The following HK1 variants were observed in gnomAD, a reference collection of about 807,000 sequenced individuals.
HK1 encodes the protein hexokinase 1, also known as hexokinase-1.
A neutral mutation model predicts 91.6 loss-of-function variants in HK1; 28 were observed. The observed-to-expected ratio is 0.31, with a 90% CI of 0.23 to 0.42. HK1 has a LOEUF of 0.42. Among genes scored for constraint, HK1 ranks in the 10% least tolerant of loss-of-function variants. The pLI is 1.00. For synonymous variants in HK1, 430 were observed against 468.1 expected, an observed-to-expected ratio of 0.92 and a Z score of 1.05; for missense variants, 770 against 1,219.8, an observed-to-expected ratio of 0.63 and a Z score of 5.49.
intron 17 of HK1, among the ~76,000 whole-genome samples, chr10:69,399,495 G>C (rs1840291698): frequency 6.6e-6 from 1 of 152,186 alleles, no homozygotes; most frequent in African/African-American, 2.4e-5. Context: ...CTGGGCAACA[G>C]AGTGAGACCC....
chr10:69,398,498 A>T, intron 16 of HK1, 97 bp from the exon 17 acceptor site: 1 of 832,942 alleles, frequency 1.2e-6, no homozygotes, highest in Non-Finnish European at 2.0e-6. Context: ...GTGGATGAGT[A>T]CAGTGATTGG....
chr10:69,362,591 G>C (rs76943589), intron 3 of HK1, among the ~76,000 whole-genome samples: 1 of 151,998 alleles, frequency 6.6e-6, no homozygotes, highest in African/African-American at 2.4e-5. Context: ...CTCCAGAAAC[G>C]GCCTTTCCTT....
chr10:69,281,951 G>T (rs985931247), intron 1 of HK1, among the ~76,000 whole-genome samples: 1 of 152,048 alleles, frequency 6.6e-6, no homozygotes, highest in African/African-American at 2.4e-5. Flanking sequence ...ATCTCTCCAC[G>T]CATTTTAAAA....
chr10:69,396,195 C>T (rs980265979), intron 16 of HK1, among the ~76,000 whole-genome samples: 6 of 151,268 alleles, frequency 4.0e-5, no homozygotes, highest in Non-Finnish European at 5.9e-5. Context: ...TGGCTTGAGC[C>T]CGGTGGCGGA....
At chr10:69,280,353 G>T (rs1844680736) in intron 1 of HK1, among the ~76,000 whole-genome samples, 1 of 152,264 alleles carries the variant, frequency 6.6e-6, no homozygotes, top group Non-Finnish European at 1.5e-5. Flanking sequence ...TCCTGACTTT[G>T]TGATTTGCCC....
At chr10:69,326,462 A>G (rs1029464191) in intron 1 of HK1, among the ~76,000 whole-genome samples, 2 of 152,164 alleles carry the variant, frequency 1.3e-5, no homozygotes, top group East Asian at 1.9e-4. Flanking sequence ...GCCCATCCAG[A>G]GGAGATAAAA....
At chr10:69,321,900 C>T (rs1847055694) in intron 1 of HK1, among the ~76,000 whole-genome samples, 1 of 152,128 alleles carries the variant, frequency 6.6e-6, no homozygotes, top group Non-Finnish European at 1.5e-5. Flanking sequence ...ATATTCCTTT[C>T]ACTCTTCTAG....
chr10:69,318,074 TCCCGC>T (rs1268694462), upstream of HK1: 6 of 985,248 alleles, frequency 6.1e-6, no homozygotes, highest in Non-Finnish European at 7.2e-6. Flanking sequence ...GTGGCCCAAG[TCCCGC>T]CCAGAGGGAG....
intron 12 of HK1, among the ~76,000 whole-genome samples, 178 bp from the exon 13 acceptor site, chr10:69,386,145 A>G (rs1209793824): frequency 6.6e-6 from 1 of 152,136 alleles, no homozygotes; most frequent in Non-Finnish European, 1.5e-5. Context: ...TCAAACCCCT[A>G]TGAGGATGGT....
At chr10:69,316,542 G>A (rs1457733602), upstream of HK1, among the ~76,000 whole-genome samples, 1 of 152,234 alleles carries the variant, frequency 6.6e-6, no homozygotes, top group African/African-American at 2.4e-5. Context: ...GAGTGGGGAG[G>A]AATGAGTCAC....
At chr10:69,382,423 G>A in intron 9 of HK1, 64 bp from the exon 10 acceptor site, 1 of 1,496,682 alleles carries the variant, frequency 6.7e-7, no homozygotes, top group Non-Finnish European at 9.3e-7. Context: ...AAGAAAGGGT[G>A]GCCGGAGGTC....
At chr10:69,339,180 G>A (rs1428260307) in intron 1 of HK1, among the ~76,000 whole-genome samples, 3 of 152,132 alleles carry the variant, frequency 2.0e-5, no homozygotes, top group East Asian at 1.9e-4. Context: ...CAGTGCCTCC[G>A]GGCCACTTAA....
rs187806791 is a variant in HK1 at position 69,388,268 on chromosome 10, C to T, written c.1936-929C>T. 1.2e-4 allele frequency among the ~76,000 whole-genome samples: 19 copies of T among 152,082 alleles called. No homozygotes were observed. The East Asian group carries it at 2.9e-3, about 23-fold the overall frequency. On this transcript the variant is annotated intron_variant, in intron 13 of 17. Transcript: ENST00000359426. ...CAGCCTGGGTAACGTAGTAAGACCC[C>T]GTCTCTATAAGAAATTAAAAAATAA...
chr10:69,309,844 T>C (rs141449667), intron 5 of HK1, among the ~76,000 whole-genome samples: 3,017 of 143,490 alleles, frequency 0.021, 108 homozygotes, highest in African/African-American at 0.074. Flanking sequence ...GTCAGGAGTT[T>C]GAGACTAGCC....
At chr10:69,355,046 G>A (rs932114219) in intron 2 of HK1, among the ~76,000 whole-genome samples, 1 of 130,700 alleles carries the variant, frequency 7.7e-6, no homozygotes, top group Admixed American at 8.7e-5. Context: ...TCCAGCCTGG[G>A]CAATGGAGGA....
chr10:69,365,565 A>C (rs182650865), intron 4 of HK1, among the ~76,000 whole-genome samples: 1 of 152,314 alleles, frequency 6.6e-6, no homozygotes, highest in Admixed American at 6.5e-5. Flanking sequence ...CAAACCACCC[A>C]TGAATAAACT....
intron 15 of HK1, among the ~76,000 whole-genome samples, chr10:69,392,655 T>A (rs1839954193): frequency 6.6e-6 from 1 of 152,148 alleles, no homozygotes; most frequent in Non-Finnish European, 1.5e-5. Context: ...CAGGTTGGTG[T>A]GAAGCAGAGG....
intron 2 of HK1, among the ~76,000 whole-genome samples, chr10:69,285,415 T>G (rs146381138): frequency 2.5e-3 from 387 of 152,012 alleles, no homozygotes; most frequent in African/African-American, 8.3e-3. Flanking sequence ...CAGAGAGAGA[T>G]TCCATCTCAA....
At position 69,275,388 on chromosome 10, in the gene HK1, TA is replaced by T. The variant is rs903446927; in HGVS notation, c.-391+5290del. Among the ~76,000 whole-genome samples, 10 of 148,640 alleles carry T rather than the reference TA, an allele frequency of 6.7e-5. 1 individual carries two copies. The highest frequency in any genetic ancestry group is 2.0e-4 in the African/African-American group (8 of 40,654). ...TAAAAAATACATAAAAAATAAAATTTAAAAAAAAAACAACTTAAATTTGTAC... is the reference window on the plus strand; with the variant it reads ...TAAAAAATACATAAAAAATAAAATTTAAAAAAAAACAACTTAAATTTGTAC... On this transcript the variant is annotated intron_variant, in intron 1 of 21. Transcript: ENST00000360289.
Sources: allele counts gnomAD v4.1 joint callset (sites outside exome capture counted in the v4.1 genomes callset), GRCh38; gene constraint gnomAD v4.1.1; transcripts MANE v1.5; gene names NCBI Gene and HGNC (gene_info 2026-07-23, HGNC 2026-07-21).